Variants in NELL1 observed in about 807,000 individuals in gnomAD.
The protein encoded by NELL1 is neural EGFL like 1.
Under a neutral mutation model 107.4 loss-of-function variants are expected in NELL1, and 76 were observed. The observed-to-expected ratio is 0.71, with a 90% CI of 0.59 to 0.86. The LOEUF (loss-of-function observed/expected upper bound fraction) is 0.86. Among genes scored for constraint, NELL1 ranks in the 40% least tolerant of loss-of-function variants. NELL1 has a pLI of 0.00. For missense variants in NELL1, 1,024 were observed against 1,005.5 expected (o/e 1.02, Z -0.25); for synonymous variants, 353 against 341.2 (o/e 1.03, Z -0.38).
chr11:21,484,987 T>C (rs1012657482), intron 15 of NELL1, among the ~76,000 whole-genome samples: 1 of 152,092 alleles, frequency 6.6e-6, no homozygotes, highest in East Asian at 1.9e-4. Context: ...GGCAGGCTGG[T>C]TGGCCAGGAC....
intron 13 of NELL1, among the ~76,000 whole-genome samples, chr11:21,185,293 C>CTTTTTTT (rs11446941): frequency 8.4e-6 from 1 of 118,494 alleles, no homozygotes; most frequent in Non-Finnish European, 1.6e-5. Context: ...ATTCCAGTAT[C>CTTTTTTT]TTTTTTTTTT....
intron 12 of NELL1, among the ~76,000 whole-genome samples, chr11:20,967,643 C>T (rs865926828): frequency 1.9e-4 from 29 of 152,194 alleles, no homozygotes; most frequent in African/African-American, 6.5e-4. Context: ...CACAAATTCA[C>T]TCATGTCTTG....
chr11:21,146,096 T>C (rs1855972655), intron 13 of NELL1, among the ~76,000 whole-genome samples: 1 of 152,190 alleles, frequency 6.6e-6, no homozygotes, highest in Non-Finnish European at 1.5e-5. Flanking sequence ...ATGGTGATAA[T>C]AATATTTATC....
At chr11:21,326,752 T>C (rs540063552) in intron 14 of NELL1, among the ~76,000 whole-genome samples, 2 of 152,172 alleles carry the variant, frequency 1.3e-5, no homozygotes, top group Admixed American at 6.6e-5. Context: ...TATAGAATTA[T>C]AGACTACTTT....
At chr11:21,126,359 T>TAATA (rs3046342) in intron 13 of NELL1, among the ~76,000 whole-genome samples, 110,058 of 150,572 alleles carry the variant, frequency 0.73, 40,654 homozygotes, top group African/African-American at 0.83. Context: ...CCTATTGAGA[T>TAATA]AATAAATAAA....
At chr11:21,560,569 T>C (rs1203485404) in intron 17 of NELL1, among the ~76,000 whole-genome samples, 187 bp downstream of exon 17, 2 of 152,062 alleles carry the variant, frequency 1.3e-5, no homozygotes, top group African/African-American at 2.4e-5. Flanking sequence ...ATTGATTGTG[T>C]TCTTAGTGGA....
chr11:21,512,037 C>A (rs1590993341), intron 15 of NELL1, among the ~76,000 whole-genome samples: 1 of 152,174 alleles, frequency 6.6e-6, no homozygotes, highest in Non-Finnish European at 1.5e-5. Flanking sequence ...TATTTGGTGC[C>A]ACCTGGTGGC....
chr11:21,551,581 AAT>A (rs1856586387), intron 16 of NELL1, among the ~76,000 whole-genome samples: 1 of 151,532 alleles, frequency 6.6e-6, no homozygotes, highest in African/African-American at 2.4e-5. Context: ...TCAAAACCGC[AAT>A]GAGATACCAT....
At chr11:21,000,404 A>G (rs1852190967) in intron 12 of NELL1, among the ~76,000 whole-genome samples, 1 of 152,214 alleles carries the variant, frequency 6.6e-6, no homozygotes, top group Non-Finnish European at 1.5e-5. Flanking sequence ...CGGAACCCAG[A>G]GTTAAAATTT....
chr11:20,983,098 G>A (rs1002081669), intron 12 of NELL1, among the ~76,000 whole-genome samples: 1 of 152,180 alleles, frequency 6.6e-6, no homozygotes, highest in African/African-American at 2.4e-5. Context: ...TTTTGTGACT[G>A]TGGCAAGTTA....
chr11:20,970,717 G>A (rs2003175), intron 12 of NELL1, among the ~76,000 whole-genome samples: 21,964 of 151,990 alleles, frequency 0.14, 1,967 homozygotes, highest in East Asian at 0.25. Flanking sequence ...AAGGATTTTG[G>A]TAGGAGATGA....
intron 2 of NELL1, among the ~76,000 whole-genome samples, chr11:20,766,740 A>ATTTTTTTTTTTTTTTTTTTTTTTTTT (rs202218877): frequency 7.2e-6 from 1 of 139,712 alleles, no homozygotes; most frequent in Non-Finnish European, 1.6e-5. Context: ...CTATTGACAT[A>ATTTTTTTTTTTTTTTTTTTTTTTTTT]TTTTTTTTTT....
intron 15 of NELL1, among the ~76,000 whole-genome samples, chr11:21,531,649 G>A (rs1302075454): frequency 6.6e-6 from 1 of 152,144 alleles, no homozygotes; most frequent in Non-Finnish European, 1.5e-5. Flanking sequence ...TGTTTCCTTT[G>A]GGATGGTTGA....
chr11:21,501,036 T>G (rs921896689), intron 15 of NELL1, among the ~76,000 whole-genome samples: 1 of 152,130 alleles, frequency 6.6e-6, no homozygotes, highest in African/African-American at 2.4e-5. Flanking sequence ...GAGAGTGTGT[T>G]TTGTAGTACT....
At chr11:20,863,587 G>A (rs1184235758) in intron 4 of NELL1, among the ~76,000 whole-genome samples, 1 of 150,538 alleles carries the variant, frequency 6.6e-6, no homozygotes, top group African/African-American at 2.4e-5. Context: ...TCTCAGACGG[G>A]ATGGCGGCCG....
At chr11:21,554,685 A>C (rs1284559695) in intron 16 of NELL1, among the ~76,000 whole-genome samples, 1 of 151,888 alleles carries the variant, frequency 6.6e-6, no homozygotes, top group East Asian at 1.9e-4. Flanking sequence ...GCATATCGTT[A>C]TGTATTTACC....
intron 2 of NELL1, among the ~76,000 whole-genome samples, chr11:20,693,476 G>C (rs1854526775): frequency 6.6e-6 from 1 of 151,976 alleles, no homozygotes; most frequent in Admixed American, 6.6e-5. Flanking sequence ...TTTTAGGGCA[G>C]GCCTGGGTTG....
rs1040429252 is a variant in NELL1, at chr11:20,744,124, A to G, written c.185-39556A>G. Among the ~76,000 whole-genome samples, 6 of 152,204 alleles carry G rather than the reference A, an allele frequency of 3.9e-5. 1 individual carries two copies. The highest frequency in any genetic ancestry group is 1.4e-4 in the African/African-American group (6 of 41,450). On this transcript the variant is annotated intron_variant, in intron 2 of 19. Coordinates refer to ENST00000357134, the MANE Select transcript of NELL1 (RefSeq NM_006157.5). The stretch of plus-strand genomic sequence containing the variant: ...AGCCACAATCTTATTCCAAGCTACT[A>G]TCATTTCTTGCTTAGAAAATCACAA...
chr11:20,893,266 G>A (rs1849655834), intron 5 of NELL1, among the ~76,000 whole-genome samples: 1 of 151,854 alleles, frequency 6.6e-6, no homozygotes, highest in Non-Finnish European at 1.5e-5. Context: ...TGGGGGGTGA[G>A]GGGTGAGGGG....
Sources: gnomAD v4.1 joint callset for allele counts (sites outside exome capture counted in the v4.1 genomes callset) on GRCh38, gnomAD v4.1.1 for gene constraint, MANE v1.5 for transcripts, NCBI Gene and HGNC (gene_info 2026-07-23, HGNC 2026-07-21) for gene names.